The following KANK4 variants were observed in gnomAD, a reference collection of about 807,000 sequenced individuals.
KANK4 encodes KN motif and ankyrin repeat domains 4.
A neutral mutation model predicts 80.8 loss-of-function variants in KANK4; 50 were observed. The observed-to-expected ratio is 0.62, with a 90% confidence interval of 0.49 to 0.78. The LOEUF (loss-of-function observed/expected upper bound fraction) is 0.78, where lower values mean the gene tolerates loss of function less well. Among genes scored for constraint, KANK4 ranks in the 30% least tolerant of loss-of-function variants. KANK4 has a pLI of 0.00. For missense variants in KANK4, 1,196 were observed against 1,240.1 expected, an observed-to-expected ratio of 0.96 and a Z score of 0.53; for synonymous variants, 465 against 506.9, an observed-to-expected ratio of 0.92 and a Z score of 1.11.
chr1:62,251,933 G>A (rs569297002), intron 8 of KANK4, among the ~76,000 whole-genome samples: 10 of 151,634 alleles, frequency 6.6e-5, no homozygotes, highest in African/African-American at 2.2e-4. Context: ...TGGAGGTTGC[G>A]GTGAGCCGAG....
rs1352678232 is a variant in KANK4 at position 62,244,709 on chromosome 1, T to C, written c.2883+2763A>G. 3.3e-5 allele frequency among the ~76,000 whole-genome samples: 5 copies of C among 152,298 alleles called. No individual in the cohort carries two copies. The East Asian group carries it at 7.7e-4, about 24-fold the overall frequency. On this transcript the variant is annotated intron_variant, in intron 9 of 9. Coordinates refer to ENST00000371153, the MANE Select transcript of KANK4 (RefSeq NM_181712.5). ...TTTGTAAATTGCCCAGTCTCGGGTATGTCTTTATCAGCAGTGTGAAAACAG... is the reference window on the plus strand; with the variant it reads ...TTTGTAAATTGCCCAGTCTCGGGTACGTCTTTATCAGCAGTGTGAAAACAG...
Position 62,273,618 on chromosome 1 carries a change from A to T in KANK4, c.1486T>A (p.Ser496Thr). The T allele has an allele frequency of 1.9e-6, 3 of 1,614,052 alleles. No homozygotes were observed. The South Asian group carries it at 3.3e-5, about 18-fold the overall frequency. Residue 496 changes from serine to threonine, a missense_variant, in exon 3 of 10, where the codon TCC becomes ACC. This residue lies in a region of KANK4 where 1,154 missense variants were observed against 1,179.6 expected (regional missense o/e 0.98). Coordinates refer to ENST00000371153, the MANE Select transcript of KANK4 (RefSeq NM_181712.5). ...VLTSSVHSFLSTELRIEEAGT... is the reference protein window; with the variant it reads ...VLTSSVHSFLTTELRIEEAGT... ...GCTTCTTCAATCCTGAGTTCAGTGG[A>T]GAGGAAGCTATGTACAGAGGAGGTA...
intron 6 of KANK4, among the ~76,000 whole-genome samples, chr1:62,264,892 T>G (rs780610853): frequency 2.0e-5 from 3 of 152,174 alleles, no homozygotes; most frequent in Non-Finnish European, 4.4e-5. Context: ...AGTGCAGTTG[T>G]ATGATCTCAG....
In KANK4 at chr1:62,271,619, T is replaced by C. The variant is rs180718343; in HGVS notation, c.1901-30A>G. On this transcript the variant is annotated intron_variant, in intron 3 of 9. Transcript: ENST00000371153. ...GCAGACACAACATCACAGGTTAGAATGATCTTGGGGATGCATGGGAATGTA... is the reference window on the plus strand; with the variant it reads ...GCAGACACAACATCACAGGTTAGAACGATCTTGGGGATGCATGGGAATGTA... 51 of 1,520,872 alleles carry C rather than the reference T, an allele frequency of 3.4e-5. No homozygotes were observed. In the East Asian group the frequency reaches 1.1e-3, roughly 32 times the overall value. 94.2% of individuals were successfully genotyped at this position (1,520,872 alleles called of 1,614,324 possible). A position where few individuals can be genotyped will look rare whatever the true frequency, so the allele number is the denominator to read the frequency against.
intron 7 of KANK4, among the ~76,000 whole-genome samples, chr1:62,253,827 C>T (rs1050911527): frequency 2.0e-5 from 3 of 152,206 alleles, no homozygotes; most frequent in Admixed American, 6.5e-5. Flanking sequence ...AACTGGAGCA[C>T]AAGATGTTAT....
At chr1:62,285,622 T>C (rs1280275712) in intron 1 of KANK4, among the ~76,000 whole-genome samples, 3 of 152,164 alleles carry the variant, frequency 2.0e-5, no homozygotes, top group Non-Finnish European at 1.5e-5. Flanking sequence ...GCACCTTGGA[T>C]TTCCTTGAAA....
chr1:62,241,101 A>G (rs1484835493), intron 9 of KANK4, among the ~76,000 whole-genome samples: 2 of 152,202 alleles, frequency 1.3e-5, no homozygotes, highest in African/African-American at 2.4e-5. Flanking sequence ...ACTTCCTAAA[A>G]TATGGACAAT....
rs182858844 is a variant in KANK4 at position 62,248,190 on chromosome 1, C to A, written c.2683-518G>T. 1.4e-4 allele frequency among the ~76,000 whole-genome samples: 21 copies of A among 152,266 alleles called. No individual in the cohort carries two copies. In the East Asian group the frequency reaches 3.7e-3, roughly 27 times the overall value. On this transcript the variant is annotated intron_variant, in intron 8 of 9. Transcript: ENST00000371153. ...TACCCAGAACCCTCTTCTCTCAACA[C>A]GATCTCTGGTTGCATGTCCTGTGGT...
At chr1:62,276,184 G>T (rs775454336) in intron 2 of KANK4, among the ~76,000 whole-genome samples, 1 of 152,166 alleles carries the variant, frequency 6.6e-6, no homozygotes, top group Non-Finnish European at 1.5e-5. Context: ...AAACAAGCCA[G>T]TCCTTCGACT....
chr1:62,284,518 T>C (rs1484447502), intron 1 of KANK4, among the ~76,000 whole-genome samples: 5 of 152,104 alleles, frequency 3.3e-5, no homozygotes, highest in Non-Finnish European at 7.4e-5. Flanking sequence ...GGGGTTTCAC[T>C]ATGTTGGCCA....
At chr1:62,305,922 G>A (rs757210145) in intron 1 of KANK4, among the ~76,000 whole-genome samples, 9 of 152,170 alleles carry the variant, frequency 5.9e-5, no homozygotes, top group Non-Finnish European at 1.2e-4. Flanking sequence ...AAGGTTTGGA[G>A]GTGCCCAGTG....
intron 9 of KANK4, among the ~76,000 whole-genome samples, chr1:62,239,706 G>A (rs1671294131): frequency 6.6e-6 from 1 of 151,970 alleles, no homozygotes; most frequent in Admixed American, 6.6e-5. Context: ...GATGTTCCCT[G>A]CCCTGTGTCC....
Position 62,300,422 on chromosome 1 carries a change from G to T in KANK4, c.-71+18684C>A, listed in dbSNP as rs140452761. Among the ~76,000 whole-genome samples the T allele has an allele frequency of 2.2e-4, 33 of 152,228 alleles. No individual in the cohort carries two copies. In the East Asian group the frequency reaches 5.6e-3, roughly 26 times the overall value. ...CTCACCGTCCAAAATGGGAGGCAGA[G>T]ACCTAAACAAGGACCTATGTGGTGT... On this transcript the variant is annotated intron_variant, in intron 1 of 9. Coordinates refer to ENST00000371153, the MANE Select transcript of KANK4 (RefSeq NM_181712.5).
chr1:62,256,389 T>C (rs1161567963), intron 7 of KANK4, among the ~76,000 whole-genome samples: 1 of 145,762 alleles, frequency 6.9e-6, no homozygotes, highest in Non-Finnish European at 1.5e-5. Flanking sequence ...TTTTCCTTTC[T>C]TTTTTTTTTT....
intron 1 of KANK4, among the ~76,000 whole-genome samples, chr1:62,303,811 GTTTTC>G (rs1644430754): frequency 6.6e-6 from 1 of 151,840 alleles, no homozygotes; most frequent in African/African-American, 2.4e-5. Context: ...AATTTCACCT[GTTTTC>G]TTTTTATTTT....
chr1:62,286,767 G>A (rs191532390), intron 1 of KANK4, among the ~76,000 whole-genome samples: 1 of 151,996 alleles, frequency 6.6e-6, no homozygotes, highest in Admixed American at 6.5e-5. Context: ...CCCCTCCTGG[G>A]GCCCCAGGAC....
Position 62,278,320 on chromosome 1 carries a change from T to TCTTTCTTTCCTTCCTTCCTTC in KANK4, c.16+3228_16+3229insGAAGGAAGGAAGGAAAGAAAG, listed in dbSNP as rs1420040026. Among the ~76,000 whole-genome samples the TCTTTCTTTCCTTCCTTCCTTC allele has an allele frequency of 3.3e-5, 2 of 60,530 alleles. 1 individual carries two copies. Among genetic ancestry groups the TCTTTCTTTCCTTCCTTCCTTC allele is most frequent in the African/African-American group, 1.1e-4 (2 of 18,098 alleles). The allele number at this position is 60,530 out of a possible 152,430, so 39.7% of individuals were successfully genotyped here. Reference sequence around the variant, plus strand: ...GGCATTTCCTGGGGCACATTTTCTTTCTTCCTTCCTTCCTTCCTTCCTTCC... The same window carrying TCTTTCTTTCCTTCCTTCCTTC: ...GGCATTTCCTGGGGCACATTTTCTTTCTTTCTTTCCTTCCTTCCTTCCTTCCTTCCTTCCTTCCTTCCTTCC... On this transcript the variant is annotated intron_variant, in intron 2 of 9. Transcript: ENST00000371153.
chr1:62,280,430 T>C (rs892705153), intron 2 of KANK4, among the ~76,000 whole-genome samples: 1 of 152,166 alleles, frequency 6.6e-6, no homozygotes, highest in Admixed American at 6.5e-5. Flanking sequence ...CTGCCAGGGA[T>C]GCACTGAAAA....
chr1:62,311,436 A>T (rs750990792), intron 1 of KANK4, among the ~76,000 whole-genome samples: 14 of 152,248 alleles, frequency 9.2e-5, no homozygotes, highest in South Asian at 4.1e-4. Context: ...TACTCTAATA[A>T]ATATTGCTCC....
Sources: gnomAD v4.1 joint callset for allele counts (sites outside exome capture counted in the v4.1 genomes callset) on GRCh38, gnomAD v4.1.1 for gene constraint, gnomAD v4.1.1 regional missense constraint, MANE v1.5 for transcripts, NCBI Gene and HGNC (gene_info 2026-07-23, HGNC 2026-07-21) for gene names.